Variants in PTPRG observed in about 807,000 individuals in gnomAD.
The protein encoded by PTPRG is protein tyrosine phosphatase receptor type G.
PTPRG carries 102 observed loss-of-function variants against 165.3 expected under a neutral mutation model. That is an observed-to-expected ratio of 0.62 (90% confidence interval 0.53 to 0.73). The LOEUF is 0.73. Ranked by LOEUF, PTPRG falls within the 30% of genes least tolerant of loss-of-function variation. The pLI is 0.00. For synonymous variants in PTPRG, 675 were observed against 669.5 expected, an observed-to-expected ratio of 1.01 and a Z score of -0.13; for missense variants, 1,866 against 1,861.4, an observed-to-expected ratio of 1.00 and a Z score of -0.05.
At chr3:62,014,181 C>A (rs1258026867) in intron 4 of PTPRG, among the ~76,000 whole-genome samples, 1 of 152,152 alleles carries the variant, frequency 6.6e-6, no homozygotes, top group Non-Finnish European at 1.5e-5. Flanking sequence ...GAAAGAAAGT[C>A]TATTTCCTCT....
intron 5 of PTPRG, among the ~76,000 whole-genome samples, chr3:62,102,493 G>A (rs996633413): frequency 2.6e-5 from 4 of 152,094 alleles, no homozygotes; most frequent in African/African-American, 7.2e-5. Flanking sequence ...GGCTGGTCCC[G>A]AACTCCTGAC....
At chr3:61,947,088 G>A (rs1360641534) in intron 2 of PTPRG, among the ~76,000 whole-genome samples, 3 of 152,162 alleles carry the variant, frequency 2.0e-5, no homozygotes, top group Non-Finnish European at 4.4e-5. Context: ...TAGCCAAAGT[G>A]GACCGACCAG....
intron 1 of PTPRG, among the ~76,000 whole-genome samples, chr3:61,741,236 A>G (rs1261167080): frequency 6.6e-6 from 1 of 152,204 alleles, no homozygotes; most frequent in Non-Finnish European, 1.5e-5. Flanking sequence ...TAAAATAGAT[A>G]TAAACAACCT....
intron 1 of PTPRG, among the ~76,000 whole-genome samples, chr3:61,724,660 C>T (rs1392324144): frequency 6.6e-6 from 1 of 152,012 alleles, no homozygotes; most frequent in Non-Finnish European, 1.5e-5. Context: ...TTTGGTATTA[C>T]CACTATTTTT....
At chr3:61,619,240 A>G (rs373306693) in intron 1 of PTPRG, among the ~76,000 whole-genome samples, 2 of 152,108 alleles carry the variant, frequency 1.3e-5, no homozygotes, top group Admixed American at 6.5e-5. Flanking sequence ...CTGTGCTCCA[A>G]AAAGGATGGG....
At chr3:61,782,628 A>T (rs1372196762) in intron 2 of PTPRG, among the ~76,000 whole-genome samples, 3 of 152,342 alleles carry the variant, frequency 2.0e-5, no homozygotes, top group African/African-American at 7.2e-5. Context: ...TTGTTAATTG[A>T]GGCAGAGTGC....
At chr3:61,679,704 C>G (rs531361421) in intron 1 of PTPRG, among the ~76,000 whole-genome samples, 51 of 152,134 alleles carry the variant, frequency 3.4e-4, no homozygotes, top group African/African-American at 1.2e-3. Context: ...TTACTTGAAC[C>G]CGGGAGGTAG....
At chr3:62,084,734 G>A (rs1701690675) in intron 5 of PTPRG, among the ~76,000 whole-genome samples, 1 of 152,060 alleles carries the variant, frequency 6.6e-6, no homozygotes, top group South Asian at 2.1e-4. Flanking sequence ...CCCACCATAG[G>A]TAGATATGAT....
chr3:61,672,733 G>GGGGAGA (rs150569166), intron 1 of PTPRG, among the ~76,000 whole-genome samples: 24 of 118,924 alleles, frequency 2.0e-4, no homozygotes, highest in Middle Eastern at 4.3e-3. Context: ...GGGAGACTGT[G>GGGGAGA]GGGAGAGGGA....
At chr3:62,242,912 G>T (rs1314013887) in intron 14 of PTPRG, among the ~76,000 whole-genome samples, 9 of 152,094 alleles carry the variant, frequency 5.9e-5, no homozygotes, top group Non-Finnish European at 8.8e-5. Flanking sequence ...CCGCCTGCTT[G>T]GCTAAAAGAC....
At chr3:61,653,624 T>G (rs1702421782) in intron 1 of PTPRG, among the ~76,000 whole-genome samples, 1 of 152,200 alleles carries the variant, frequency 6.6e-6, no homozygotes, top group Non-Finnish European at 1.5e-5. Flanking sequence ...TATGTGTAGC[T>G]AAATCATTGC....
intron 1 of PTPRG, among the ~76,000 whole-genome samples, chr3:61,585,546 A>G (rs1447112106): frequency 6.6e-6 from 1 of 151,750 alleles, no homozygotes. Flanking sequence ...GGTGTTGGAC[A>G]CCAGCCTGGG....
At chr3:61,886,686 T>C (rs893200629) in intron 2 of PTPRG, among the ~76,000 whole-genome samples, 8 of 152,192 alleles carry the variant, frequency 5.3e-5, no homozygotes, top group African/African-American at 1.7e-4. Context: ...GCTGGGTATG[T>C]ACCTCCTAGC....
chr3:61,822,709 A>T (rs540557669), intron 2 of PTPRG, among the ~76,000 whole-genome samples: 2 of 152,178 alleles, frequency 1.3e-5, no homozygotes, highest in Non-Finnish European at 2.9e-5. Flanking sequence ...ATGTGAAGCT[A>T]TTTTTACATG....
In PTPRG at chr3:62,029,061, C is replaced by G. The variant is rs566531966; in HGVS notation, c.519+25564C>G. On this transcript the variant is annotated intron_variant, in intron 4 of 29. Transcript: ENST00000474889. Reference sequence around the variant, plus strand: ...CATACATGGCAGACATGGGCCTATACCTGTGATCCTGTTTCCGGAAAATGG... The same window carrying G: ...CATACATGGCAGACATGGGCCTATAGCTGTGATCCTGTTTCCGGAAAATGG... Among the ~76,000 whole-genome samples the G allele has an allele frequency of 8.5e-5, 13 of 152,272 alleles. No individual in the cohort carries two copies. In the East Asian group the frequency reaches 1.5e-3, roughly 18 times the overall value.
At chr3:61,627,222 G>C (rs1029786221) in intron 1 of PTPRG, among the ~76,000 whole-genome samples, 1 of 152,030 alleles carries the variant, frequency 6.6e-6, no homozygotes, top group East Asian at 1.9e-4. Flanking sequence ...AAAAGAGTCC[G>C]TATCTTTTAG....
chr3:61,641,907 C>T (rs765985899), intron 1 of PTPRG, among the ~76,000 whole-genome samples: 1 of 152,142 alleles, frequency 6.6e-6, no homozygotes, highest in Non-Finnish European at 1.5e-5. Flanking sequence ...GGTGCCTTTC[C>T]TGTGGGCTGG....
chr3:62,094,842 C>G (rs755990115), intron 5 of PTPRG, among the ~76,000 whole-genome samples: 3 of 152,214 alleles, frequency 2.0e-5, no homozygotes, highest in Admixed American at 6.5e-5. Context: ...AGCCCAGAAG[C>G]AGTTCTGCTC....
At chr3:61,787,608 C>T (rs2034746738) in intron 2 of PTPRG, among the ~76,000 whole-genome samples, 1 of 152,168 alleles carries the variant, frequency 6.6e-6, no homozygotes, top group African/African-American at 2.4e-5. Flanking sequence ...TTCTGGGAAG[C>T]CCATAAATGC....
Sources: allele counts gnomAD v4.1 joint callset (sites outside exome capture counted in the v4.1 genomes callset), GRCh38; gene constraint gnomAD v4.1.1; transcripts MANE v1.5; gene names NCBI Gene and HGNC (gene_info 2026-07-23, HGNC 2026-07-21).